The following E2F3 variants were observed in gnomAD, a reference collection of about 807,000 sequenced individuals.
The protein encoded by E2F3 is transcription factor E2F3.
Under a neutral mutation model 44.4 loss-of-function variants are expected in E2F3, and 11 were observed. That is an observed-to-expected ratio of 0.25 (90% confidence interval 0.16 to 0.41). The LOEUF (loss-of-function observed/expected upper bound fraction) is 0.41. E2F3 is among the 10% of genes least tolerant of loss of function. The probability of loss-of-function intolerance (pLI) is 1.00; values close to 1 mark genes in which losing one functional copy is unlikely to be tolerated. For synonymous variants in E2F3, 249 were observed against 253.0 expected, an observed-to-expected ratio of 0.98 and a Z score of 0.15; for missense variants, 487 against 583.6, an observed-to-expected ratio of 0.83 and a Z score of 1.70.
chr6:20,458,973 G>A (rs1761406122), intron 1 of E2F3, among the ~76,000 whole-genome samples: 1 of 151,650 alleles, frequency 6.6e-6, no homozygotes, highest in East Asian at 1.9e-4. Context: ...TAGTGATATA[G>A]CCTGGAAGGG....
intron 1 of E2F3, among the ~76,000 whole-genome samples, chr6:20,413,978 C>G (rs908600271): frequency 1.3e-5 from 2 of 152,104 alleles, no homozygotes; most frequent in Admixed American, 1.3e-4. Flanking sequence ...GGGGTGTGCA[C>G]TGTGTGGAAG....
chr6:20,486,841 T>C (rs777867923), intron 5 of E2F3, 38 bp downstream of exon 5: 32 of 1,359,776 alleles, frequency 2.4e-5, no homozygotes, highest in Middle Eastern at 1.8e-4. Flanking sequence ...GCAAAGATCT[T>C]TGTGGAATGC....
chr6:20,442,121 A>G (rs1023785553), intron 1 of E2F3, among the ~76,000 whole-genome samples: 1 of 151,364 alleles, frequency 6.6e-6, no homozygotes, highest in African/African-American at 2.4e-5. Context: ...TAGAGAAAGG[A>G]GCATATTTGT....
At chr6:20,413,490 A>G (rs9368188) in intron 1 of E2F3, among the ~76,000 whole-genome samples, 106,897 of 152,110 alleles carry the variant, frequency 0.7, 37,948 homozygotes, top group African/African-American at 0.81. Context: ...CAAAACTTGC[A>G]GACTCCCAGG....
chr6:20,420,611 G>A (rs1011128522), intron 1 of E2F3, among the ~76,000 whole-genome samples: 4 of 152,134 alleles, frequency 2.6e-5, no homozygotes, highest in African/African-American at 9.7e-5. Context: ...TCTATTCAGT[G>A]GGCAACAGCA....
chr6:20,487,907 C>A (rs906934351), intron 5 of E2F3, among the ~76,000 whole-genome samples: 1 of 152,016 alleles, frequency 6.6e-6, no homozygotes, highest in African/African-American at 2.4e-5. Flanking sequence ...TTTACAAAGC[C>A]ACTTGGTGAA....
chr6:20,415,704 T>C (rs751211506), intron 1 of E2F3, among the ~76,000 whole-genome samples: 6 of 152,192 alleles, frequency 3.9e-5, no homozygotes, highest in Non-Finnish European at 7.3e-5. Context: ...CATAGCTGGA[T>C]TAACTTTGGA....
chr6:20,479,880 A>G lies in E2F3; in HGVS notation c.428A>G (p.His143Arg). 1 of 1,613,022 alleles carries G rather than the reference A, an allele frequency of 6.2e-7. No individual in the cohort carries two copies. Among genetic ancestry groups the G allele is most frequent in the Non-Finnish European group, 8.5e-7 (1 of 1,179,550 alleles). The change falls in exon 2 of 7, where the codon CAT becomes CGT. Residue 143 changes from histidine to arginine, a missense_variant. By Grantham distance (29) the His-to-Arg change is conservative (BLOSUM62 0). This residue lies in a region of E2F3 where 238 missense variants were observed against 236.0 expected (regional missense o/e 1.01). Transcript: ENST00000346618. Reference protein sequence around the residue: ...KRRLELGESGHQYLSDGLKTP... With the variant: ...KRRLELGESGRQYLSDGLKTP... ...AGGCTGGAGCTAGGAGAAAGCGGTC[A>G]TCAGTACCTCTCAGATGGTTTAAAA...
Position 20,482,880 on chromosome 6 carries a change from C to G in E2F3, c.844C>G (p.Leu282Val). Residue 282 changes from leucine to valine, a missense_variant, in exon 4 of 7, where the codon CTG (leucine) becomes GTG (valine). Coordinates refer to ENST00000346618, the MANE Select transcript of E2F3 (RefSeq NM_001949.5). ...AGATGAACTGATCCAAAGCTGCACCCTGGACCTCAAACTGTTAACCGAGGA... is the reference window on the plus strand; with the variant it reads ...AGATGAACTGATCCAAAGCTGCACCGTGGACCTCAAACTGTTAACCGAGGA... ...KLDELIQSCT[L>V]DLKLLTEDSE... The G allele has an allele frequency of 6.2e-7, 1 of 1,613,868 alleles. No individual in the cohort carries two copies. Among genetic ancestry groups the G allele is most frequent in the Non-Finnish European group, 8.5e-7 (1 of 1,179,812 alleles).
intron 1 of E2F3, among the ~76,000 whole-genome samples, chr6:20,472,577 G>A (rs1761929295): frequency 6.6e-6 from 1 of 152,052 alleles, no homozygotes; most frequent in Non-Finnish European, 1.5e-5. Context: ...TGAGGTGGGA[G>A]GCTTGCTTGA....
chr6:20,445,612 T>C (rs981017905), intron 1 of E2F3, among the ~76,000 whole-genome samples: 17 of 152,204 alleles, frequency 1.1e-4, no homozygotes, highest in African/African-American at 3.4e-4. Flanking sequence ...TTCTTAGAAC[T>C]GAGGAATTCG....
intron 1 of E2F3, 41 bp from the exon 2 acceptor site, chr6:20,479,805 C>G: frequency 6.4e-7 from 1 of 1,553,212 alleles, no homozygotes; most frequent in Non-Finnish European, 8.8e-7. Context: ...TTGTTCTTGT[C>G]CATATGACCG....
Position 20,402,306 on chromosome 6 carries a change from T to TCGC in E2F3, c.84_86dup (p.Ala31dup). On this transcript the variant is annotated inframe_insertion, in exon 1 of 7. Transcript: ENST00000346618. This position sits in a 1 kb window ranked among gnomAD's most constrained non-coding sequence, Gnocchi z 5.6. ...GGGGGTGGGGAGGGGGCGGCTGTCG[T>TCGC]CGCCGCCGCCGCTGCAGCCTCCATG... The TCGC allele has an allele frequency of 1.2e-6, 2 of 1,606,726 alleles. No homozygotes were observed. Among genetic ancestry groups the TCGC allele is most frequent in the African/African-American group, 1.3e-5 (1 of 74,204 alleles).
intron 1 of E2F3, among the ~76,000 whole-genome samples, chr6:20,429,273 A>G (rs556202918): frequency 6.6e-6 from 1 of 152,310 alleles, no homozygotes; most frequent in African/African-American, 2.4e-5. Context: ...CCCCTTATCC[A>G]CGGTGTTGCT....
At position 20,490,185 on chromosome 6, in the gene E2F3, T is replaced by C; in HGVS notation, c.1153T>C (p.Ser385Pro). The C allele has an allele frequency of 6.2e-7, 1 of 1,611,686 alleles. No individual in the cohort carries two copies. Among genetic ancestry groups the C allele is most frequent in the Non-Finnish European group, 8.5e-7 (1 of 1,179,096 alleles). Residue 385 changes from serine (S) to proline (P), a missense_variant, in exon 7 of 7, where the codon TCA becomes CCA. By Grantham distance (74) the Ser-to-Pro change is moderately conservative (BLOSUM62 -1). This residue lies in a region of E2F3 where 220 missense variants were observed against 261.7 expected (regional missense o/e 0.84). Coordinates refer to ENST00000346618, the MANE Select transcript of E2F3 (RefSeq NM_001949.5). The surrounding 1 kb of genome is among the most constrained non-coding windows in gnomAD (Gnocchi z 4.3). ...CTTTTCAGACTTGGCTTCAACCAACTCAGGACATAGCGATTGCTCAGTTTC... is the reference window on the plus strand; with the variant it reads ...CTTTTCAGACTTGGCTTCAACCAACCCAGGACATAGCGATTGCTCAGTTTC... ...PASKDLASTN[S>P]GHSDCSVSMG...
At chr6:20,422,651 C>G (rs2127590338) in intron 1 of E2F3, among the ~76,000 whole-genome samples, 1 of 152,266 alleles carries the variant, frequency 6.6e-6, no homozygotes, top group South Asian at 2.1e-4. Flanking sequence ...TGTGGGATTA[C>G]TAATTAGCCT....
intron 1 of E2F3, among the ~76,000 whole-genome samples, chr6:20,451,259 T>G (rs1761121847): frequency 6.6e-6 from 1 of 152,150 alleles, no homozygotes; most frequent in South Asian, 2.1e-4. Flanking sequence ...TTGAAGAGTG[T>G]TTTTAATTCT....
intron 1 of E2F3, among the ~76,000 whole-genome samples, chr6:20,431,240 G>A (rs1241839507): frequency 1.3e-5 from 2 of 152,162 alleles, no homozygotes; most frequent in African/African-American, 4.8e-5. Flanking sequence ...TTACATCTCT[G>A]TGGCCTCAAA....
intron 1 of E2F3, among the ~76,000 whole-genome samples, chr6:20,461,321 G>A (rs1408727371): frequency 8.6e-5 from 13 of 151,896 alleles, no homozygotes; most frequent in East Asian, 7.8e-4. Context: ...GTGAAACCCC[G>A]TTTCTACTAA....
Sources: gnomAD v4.1 joint callset for allele counts (sites outside exome capture counted in the v4.1 genomes callset) on GRCh38, gnomAD v4.1.1 for gene constraint, gnomAD v4.1.1 regional missense constraint, Gnocchi (gnomAD v3.1) non-coding constraint, MANE v1.5 for transcripts, NCBI Gene and HGNC (gene_info 2026-07-23, HGNC 2026-07-21) for gene names.